FAM184B: variants seen among roughly 807,000 people sequenced by gnomAD.
The protein encoded by FAM184B is family with sequence similarity 184 member B.
Under a neutral mutation model 135.9 loss-of-function variants are expected in FAM184B, and 111 were observed. The observed-to-expected ratio is 0.82, with a 90% CI of 0.70 to 0.96. The LOEUF is 0.96. Ranked by LOEUF, FAM184B falls within the 40% of genes least tolerant of loss-of-function variation. The probability of loss-of-function intolerance (pLI) is 0.00; values close to 1 mark genes in which losing one functional copy is unlikely to be tolerated. For synonymous variants in FAM184B, 552 were observed against 524.8 expected, an observed-to-expected ratio of 1.05 and a Z score of -0.71; for missense variants, 1,375 against 1,323.9, an observed-to-expected ratio of 1.04 and a Z score of -0.60.
chr4:17,755,899 G>A (rs1156361467), intron 1 of FAM184B, among the ~76,000 whole-genome samples: 1 of 152,138 alleles, frequency 6.6e-6, no homozygotes, highest in South Asian at 2.1e-4. Context: ...ACACACTGGG[G>A]CCTGTTGAGG....
At chr4:17,761,243 G>GTC (rs138081185) in intron 1 of FAM184B, among the ~76,000 whole-genome samples, 70 of 149,002 alleles carry the variant, frequency 4.7e-4, no homozygotes, top group East Asian at 1.6e-3. Context: ...GAGACAGCAG[G>GTC]TCTCTCTCTC....
chr4:17,693,289 G>A lies in FAM184B; in HGVS notation c.1488+13C>T. ...AAACAGCACCCCAAGGCTTGCATTT[G>A]GTCAGGGCTCACCTCAAGCAGAGAA... On this transcript the variant is annotated intron_variant, in intron 6 of 17. Transcript: ENST00000265018. The A allele has an allele frequency of 6.5e-7, 1 of 1,540,200 alleles. No homozygotes were observed. Among genetic ancestry groups the A allele is most frequent in the Non-Finnish European group, 8.8e-7 (1 of 1,136,902 alleles).
At chr4:17,712,309 A>C (rs1717295048) in intron 1 of FAM184B, among the ~76,000 whole-genome samples, 1 of 152,206 alleles carries the variant, frequency 6.6e-6, no homozygotes, top group Non-Finnish European at 1.5e-5. Flanking sequence ...AAGGGGGTCA[A>C]AGACTGAGAA....
intron 7 of FAM184B, among the ~76,000 whole-genome samples, chr4:17,669,189 G>A (rs1417860485): frequency 6.6e-6 from 1 of 152,136 alleles, no homozygotes; most frequent in Non-Finnish European, 1.5e-5. Context: ...TTTCAAACAT[G>A]TTGTGACTAA....
intron 1 of FAM184B, among the ~76,000 whole-genome samples, chr4:17,714,485 C>A (rs1459881569): frequency 1.3e-5 from 2 of 152,094 alleles, no homozygotes; most frequent in Non-Finnish European, 2.9e-5. Flanking sequence ...CCACCTACTC[C>A]CTCAGGAACA....
At chr4:17,716,911 C>T (rs1717409993) in intron 1 of FAM184B, among the ~76,000 whole-genome samples, 1 of 152,058 alleles carries the variant, frequency 6.6e-6, no homozygotes, top group African/African-American at 2.4e-5. Context: ...CTCCTGAGTC[C>T]AAGCGAGTCT....
intron 1 of FAM184B, among the ~76,000 whole-genome samples, chr4:17,756,187 T>G (rs1368100374): frequency 6.6e-6 from 1 of 152,156 alleles, no homozygotes; most frequent in African/African-American, 2.4e-5. Flanking sequence ...GGGCAATGGC[T>G]GAATCCAGAT....
In FAM184B at chr4:17,709,601, C is replaced by A; in HGVS notation, c.185G>T (p.Ser62Ile). 1 of 1,538,478 alleles carries A rather than the reference C, an allele frequency of 6.5e-7. No homozygotes were observed. The change falls in exon 2 of 18, where the codon AGC becomes ATC. Residue 62 changes from serine (S) to isoleucine (I), a missense_variant. Ser to Ile is a moderately radical substitution (Grantham distance 142, BLOSUM62 -2). Coordinates refer to ENST00000265018, the MANE Select transcript of FAM184B (RefSeq NM_015688.2). ...LNTRQDEAEA[S>I]MEALREAHQE... Reference sequence around the variant, plus strand: ...GTGCGCTTCCCGCAGCGCCTCCATGCTGGCCTCAGCCTCATCCTGGCGGGT... The same window carrying A: ...GTGCGCTTCCCGCAGCGCCTCCATGATGGCCTCAGCCTCATCCTGGCGGGT...
At chr4:17,686,919 C>A (rs1460526308) in intron 7 of FAM184B, among the ~76,000 whole-genome samples, 1 of 152,142 alleles carries the variant, frequency 6.6e-6, no homozygotes, top group South Asian at 2.1e-4. Context: ...GCAGCCTGGG[C>A]AACAGAGAAA....
At chr4:17,748,708 G>A (rs1260164575) in intron 1 of FAM184B, among the ~76,000 whole-genome samples, 1 of 151,682 alleles carries the variant, frequency 6.6e-6, no homozygotes, top group African/African-American at 2.4e-5. Flanking sequence ...GTAGACACGA[G>A]GTCTTATTAT....
At chr4:17,635,675 T>TAA (rs5856436) in intron 15 of FAM184B, among the ~76,000 whole-genome samples, 4,007 of 147,818 alleles carry the variant, frequency 0.027, 64 homozygotes, top group East Asian at 0.037. Context: ...AGGATTACTT[T>TAA]AAAAAAAAAA....
Position 17,664,570 on chromosome 4 carries a change from T to C in FAM184B, c.1686A>G (p.Glu562=). 6.4e-7 allele frequency: 1 copy of C among 1,551,452 alleles called. No homozygotes were observed. Among genetic ancestry groups the C allele is most frequent in the South Asian group, 1.2e-5 (1 of 83,988 alleles). Residue 562 remains glutamate, a synonymous_variant, in exon 8 of 18, where the codon GAA becomes GAG. Coordinates refer to ENST00000265018, the MANE Select transcript of FAM184B (RefSeq NM_015688.2). ...TGCATGTCCTCCTGTACCTTTCTTCTTCATCACTGCTGGTTCCTTCTTCAG... is the reference window on the plus strand; with the variant it reads ...TGCATGTCCTCCTGTACCTTTCTTCCTCATCACTGCTGGTTCCTTCTTCAG... ...LAAEEGTSSD[E]EERTKVLLKE...
chr4:17,661,503 G>T (rs1175479925), intron 8 of FAM184B, among the ~76,000 whole-genome samples: 1 of 151,868 alleles, frequency 6.6e-6, no homozygotes, highest in African/African-American at 2.4e-5. Flanking sequence ...AGCGAGCCGA[G>T]ATCACACCTA....
intron 9 of FAM184B, among the ~76,000 whole-genome samples, chr4:17,659,120 T>A (rs1253144634): frequency 6.6e-6 from 1 of 151,990 alleles, no homozygotes; most frequent in Non-Finnish European, 1.5e-5. Flanking sequence ...TTTTTTTTTT[T>A]TTTGAGACAG....
intron 9 of FAM184B, 113 bp downstream of exon 9, chr4:17,659,845 G>A (rs985762993): frequency 2.9e-6 from 4 of 1,388,106 alleles, no homozygotes; most frequent in East Asian, 2.5e-5. Context: ...CCCTGGTCCT[G>A]TAATGCCTTC....
At chr4:17,660,235 A>G in intron 8 of FAM184B, 148 bp from the exon 9 acceptor site, 1 of 895,498 alleles carries the variant, frequency 1.1e-6, no homozygotes, top group Non-Finnish European at 1.7e-6. Flanking sequence ...TGGCTTTCAA[A>G]AAGCAACCTG....
intron 1 of FAM184B, among the ~76,000 whole-genome samples, chr4:17,756,909 C>T (rs1230342011): frequency 2.6e-5 from 4 of 151,860 alleles, no homozygotes; most frequent in East Asian, 3.9e-4. Context: ...GGTGATAGAG[C>T]GAGACTCCAT....
At chr4:17,759,227 T>G (rs1482064624) in intron 1 of FAM184B, among the ~76,000 whole-genome samples, 3 of 152,170 alleles carry the variant, frequency 2.0e-5, no homozygotes, top group Admixed American at 1.3e-4. Context: ...CGAATTGTAA[T>G]CCCCAATGTT....
Position 17,633,881 on chromosome 4 carries a change from T to C in FAM184B, c.2897A>G (p.Lys966Arg), listed in dbSNP as rs769141159. Residue 966 changes from lysine (K) to arginine (R), a missense_variant, in exon 17 of 18, where the codon AAG becomes AGG. Coordinates refer to ENST00000265018, the MANE Select transcript of FAM184B (RefSeq NM_015688.2). ...CACGCGGCTGGGCACGTCCTCCACCTTCTTTTTCTGTTTGTATTAATGGAC... is the reference window on the plus strand; with the variant it reads ...CACGCGGCTGGGCACGTCCTCCACCCTCTTTTTCTGTTTGTATTAATGGAC... ...GYLTPSMKKKKVEDVPSRVVS... is the reference protein window; with the variant it reads ...GYLTPSMKKKRVEDVPSRVVS... The C allele has an allele frequency of 6.5e-7, 1 of 1,547,302 alleles. No homozygotes were observed. The highest frequency in any genetic ancestry group is 8.7e-7 in the Non-Finnish European group (1 of 1,145,090).
Sources: gnomAD v4.1 joint callset for allele counts (sites outside exome capture counted in the v4.1 genomes callset) on GRCh38, gnomAD v4.1.1 for gene constraint, MANE v1.5 for transcripts, NCBI Gene and HGNC (gene_info 2026-07-23, HGNC 2026-07-21) for gene names.